LARP4B: variants seen among roughly 807,000 people sequenced by gnomAD.
LARP4B encodes La ribonucleoprotein 4B.
A neutral mutation model predicts 89.8 loss-of-function variants in LARP4B; 12 were observed. That is an observed-to-expected ratio of 0.13 (90% CI 0.09 to 0.22). The LOEUF (loss-of-function observed/expected upper bound fraction) is 0.22. LARP4B is among the 10% of genes least tolerant of loss of function. The pLI, the probability that LARP4B is intolerant of heterozygous loss-of-function variation, is 1.00. For missense variants in LARP4B, 757 were observed against 947.7 expected (o/e 0.80, Z 2.64); for synonymous variants, 367 against 363.3 (o/e 1.01, Z -0.12).
chr10:866,496 G>A (rs1258737402), intron 3 of LARP4B, among the ~76,000 whole-genome samples: 1 of 152,254 alleles, frequency 6.6e-6, no homozygotes, highest in African/African-American at 2.4e-5. Context: ...GGGGGCAGGA[G>A]ACAGCCACAG....
chr10:832,155 T>C (rs1458789327), intron 8 of LARP4B, among the ~76,000 whole-genome samples: 2 of 152,218 alleles, frequency 1.3e-5, no homozygotes, highest in Non-Finnish European at 2.9e-5. Flanking sequence ...GCCATTCTCC[T>C]GCCTCAGCCT....
chr10:826,671 G>A (rs1056287300), intron 11 of LARP4B, among the ~76,000 whole-genome samples: 1 of 152,144 alleles, frequency 6.6e-6, no homozygotes, highest in Admixed American at 6.5e-5. Context: ...TTTCCAATAC[G>A]TTCTGCATCA....
Position 860,339 on chromosome 10 carries a change from C to CT in LARP4B, c.430+3403_430+3404insA, listed in dbSNP as rs1276100711. On this transcript the variant is annotated intron_variant, in intron 5 of 17. Transcript: ENST00000316157. ...AGACTGACCCTGAGGTCATAAGGGT[C>CT]ATAAGGATGTGGTGCTTTAATCCAC... 5.3e-5 allele frequency among the ~76,000 whole-genome samples: 8 copies of CT among 152,228 alleles called. No individual in the cohort carries two copies. In the South Asian group the frequency reaches 1.5e-3, roughly 28 times the overall value.
the LARP4B span, among the ~76,000 whole-genome samples, chr10:965,827 T>C: frequency 2.0e-5 from 3 of 152,018 alleles, no homozygotes; most frequent in African/African-American, 7.3e-5. Flanking sequence ...CATTTTGGTT[T>C]AGAATCATCA....
rs1831805060 is a variant in LARP4B, at chr10:812,745, G to T, written c.*181C>A. 2.3e-6 allele frequency: 1 copy of T among 442,270 alleles called. No homozygotes were observed. The highest frequency in any genetic ancestry group is 2.0e-5 in the African/African-American group (1 of 49,480). 27.4% of individuals were successfully genotyped at this position (442,270 alleles called of 1,614,324 possible). A position where few individuals can be genotyped will look rare whatever the true frequency, so the allele number is the denominator to read the frequency against. On this transcript the variant is annotated 3_prime_UTR_variant, in exon 18 of 18. Transcript: ENST00000316157. ...ATAAGGTTTGTATTAATTAAATCCT[G>T]AAAAATCGATTTTTTTTCAAGAGGG...
intron 5 of LARP4B, among the ~76,000 whole-genome samples, chr10:850,067 T>C (rs183563186): frequency 6.6e-6 from 1 of 152,324 alleles, no homozygotes; most frequent in Non-Finnish European, 1.5e-5. Context: ...GGGACAAATG[T>C]ACCATATTAA....
At chr10:866,185 T>A (rs1834889954) in intron 3 of LARP4B, among the ~76,000 whole-genome samples, 1 of 152,148 alleles carries the variant, frequency 6.6e-6, no homozygotes, top group African/African-American at 2.4e-5. Context: ...TAAATGAGTA[T>A]CTATCTGGAA....
intron 1 of LARP4B, among the ~76,000 whole-genome samples, chr10:906,976 C>T (rs147529866): frequency 1.5e-4 from 23 of 152,290 alleles, no homozygotes; most frequent in Middle Eastern, 6.8e-3. Flanking sequence ...GCGAGGGACT[C>T]GCAACTGAAA....
chr10:981,802 C>T, the LARP4B span, among the ~76,000 whole-genome samples: 6 of 152,098 alleles, frequency 3.9e-5, no homozygotes, highest in Admixed American at 3.9e-4. Context: ...CTCCTGACCT[C>T]ATGATCCACC....
chr10:828,777 G>A (rs912869842), intron 11 of LARP4B, among the ~76,000 whole-genome samples: 3 of 152,116 alleles, frequency 2.0e-5, no homozygotes, highest in Admixed American at 2.0e-4. Context: ...ATGCTCATCC[G>A]TGTATTGCTG....
intron 6 of LARP4B, among the ~76,000 whole-genome samples, chr10:843,551 T>C (rs776054738): frequency 3.3e-4 from 50 of 151,942 alleles, no homozygotes; most frequent in Non-Finnish European, 6.0e-4. Flanking sequence ...ATACAAAAAT[T>C]AGCCAGGCAT....
intron 8 of LARP4B, among the ~76,000 whole-genome samples, chr10:832,995 T>C (rs1202374937): frequency 2.0e-5 from 3 of 152,024 alleles, no homozygotes; most frequent in Admixed American, 6.5e-5. Context: ...TGTGTAGAAT[T>C]AGAATGTGTG....
intron 1 of LARP4B, among the ~76,000 whole-genome samples, chr10:930,507 A>G (rs898073797): frequency 6.6e-6 from 1 of 152,230 alleles, no homozygotes; most frequent in African/African-American, 2.4e-5. Context: ...CCAAGTTTTA[A>G]GAACGTTTTA....
intron 1 of LARP4B, among the ~76,000 whole-genome samples, chr10:890,796 G>A (rs565337922): frequency 3.9e-5 from 6 of 152,198 alleles, no homozygotes; most frequent in Non-Finnish European, 5.9e-5. Flanking sequence ...AGTAACACAC[G>A]AGGGGAGTAG....
intron 12 of LARP4B, 31 bp downstream of exon 12, chr10:825,733 C>T: frequency 6.6e-7 from 1 of 1,509,764 alleles, no homozygotes; most frequent in Non-Finnish European, 9.2e-7. Flanking sequence ...AGCGTAAAGA[C>T]CAAAACTGCT....
chr10:900,663 A>G (rs1588974770), intron 1 of LARP4B, among the ~76,000 whole-genome samples: 1 of 139,194 alleles, frequency 7.2e-6, no homozygotes, highest in African/African-American at 2.7e-5. Flanking sequence ...TCTGTTGCCC[A>G]GGCTGGAGTG....
chr10:834,085 A>C (rs959711900), intron 8 of LARP4B, among the ~76,000 whole-genome samples: 1 of 152,184 alleles, frequency 6.6e-6, no homozygotes, highest in African/African-American at 2.4e-5. Flanking sequence ...TCCAGAGGAA[A>C]AACAGCAACA....
chr10:957,415 C>G, the LARP4B span, among the ~76,000 whole-genome samples: 3 of 152,292 alleles, frequency 2.0e-5, no homozygotes, highest in Admixed American at 6.5e-5. Context: ...ATCCACCCAC[C>G]TCGGCCTCCC....
At chr10:968,985 C>T in the LARP4B span, among the ~76,000 whole-genome samples, 2 of 152,214 alleles carry the variant, frequency 1.3e-5, no homozygotes, top group African/African-American at 4.8e-5. Flanking sequence ...CTGTGACCTT[C>T]GGAGTCGGTA....
Sources: allele counts gnomAD v4.1 joint callset (sites outside exome capture counted in the v4.1 genomes callset), GRCh38; gene constraint gnomAD v4.1.1; transcripts MANE v1.5; gene names NCBI Gene and HGNC (gene_info 2026-07-23, HGNC 2026-07-21).